The following SH3PXD2B variants were observed in gnomAD, a reference collection of about 807,000 sequenced individuals.
SH3PXD2B encodes the protein SH3 and PX domains 2B, also known as SH3 and PX domain-containing protein 2B.
A neutral mutation model predicts 73.1 loss-of-function variants in SH3PXD2B; 37 were observed. The ratio of observed to expected loss-of-function variants is 0.51; its 90% confidence interval spans 0.39 to 0.67. The LOEUF (loss-of-function observed/expected upper bound fraction) is 0.67. Ranked by LOEUF, SH3PXD2B falls within the 30% of genes least tolerant of loss-of-function variation. The probability of loss-of-function intolerance (pLI) is 0.00; values close to 1 mark genes in which losing one functional copy is unlikely to be tolerated. For synonymous variants in SH3PXD2B, 457 were observed against 480.5 expected (o/e 0.95, Z 0.64); for missense variants, 1,053 against 1,197.8 (o/e 0.88, Z 1.78).
chr5:172,418,815 A>C (rs1325061286), intron 2 of SH3PXD2B, among the ~76,000 whole-genome samples: 1 of 152,222 alleles, frequency 6.6e-6, no homozygotes. Flanking sequence ...GCAACCCCCC[A>C]GTTATTACCG....
rs373919581 is a variant in SH3PXD2B, at chr5:172,334,930, C to T, written c.*3439G>A. The T allele has an allele frequency of 8.1e-6, 8 of 985,374 alleles. No homozygotes were observed. The African/African-American group carries it at 1.4e-4, about 17-fold the overall frequency. The allele number at this position is 985,374 out of a possible 1,614,324, so 61.0% of individuals were successfully genotyped here. A position where few individuals can be genotyped will look rare whatever the true frequency, so the allele number is the denominator to read the frequency against. On this transcript the variant is annotated 3_prime_UTR_variant, in exon 13 of 13. Transcript: ENST00000311601. ...CTTGGAAATTGATTCTATGGCGTGG[C>T]CTTGTGGCAGAGGTTTAAAATGACT...
chr5:172,385,671 G>A (rs1338193425), intron 4 of SH3PXD2B, among the ~76,000 whole-genome samples: 1 of 152,224 alleles, frequency 6.6e-6, no homozygotes, highest in Non-Finnish European at 1.5e-5. Flanking sequence ...CCCAGGATGG[G>A]CAGAGGCCCC....
chr5:172,356,616 G>C (rs1201964134), intron 8 of SH3PXD2B: 1 of 152,352 alleles, frequency 6.6e-6, no homozygotes, highest in Non-Finnish European at 1.5e-5. Context: ...GGTGGTCCCA[G>C]AGCAGGGAGG....
At chr5:172,397,989 C>A (rs1206403065) in intron 3 of SH3PXD2B, among the ~76,000 whole-genome samples, 1 of 152,218 alleles carries the variant, frequency 6.6e-6, no homozygotes. Context: ...GGAAATCTGA[C>A]ACACCTGTTT....
At chr5:172,438,388 G>A (rs146688447) in intron 1 of SH3PXD2B, among the ~76,000 whole-genome samples, 297 of 152,266 alleles carry the variant, frequency 2.0e-3, no homozygotes, top group African/African-American at 6.8e-3. Context: ...GGGCAGGGCC[G>A]GGTTTGTCTA....
rs151165065 is a variant in SH3PXD2B at position 172,373,749 on chromosome 5, C to T, written c.427+41G>A. The T allele has an allele frequency of 1.6e-3, 2,484 of 1,597,734 alleles. 32 individuals are homozygous for T. In the African/African-American group the frequency reaches 0.03, roughly 19 times the overall value. On this transcript the variant is annotated intron_variant, in intron 6 of 12. Coordinates refer to ENST00000311601, the MANE Select transcript of SH3PXD2B (RefSeq NM_001017995.3). ...CAGTTGGTGCTCGGCTGGAGTTTGCCGAAAACTGAACGAAGAGAAGAAAAT... is the reference window on the plus strand; with the variant it reads ...CAGTTGGTGCTCGGCTGGAGTTTGCTGAAAACTGAACGAAGAGAAGAAAAT...
intron 10 of SH3PXD2B, among the ~76,000 whole-genome samples, chr5:172,348,411 G>A (rs978107758): frequency 2.0e-5 from 3 of 151,950 alleles, no homozygotes; most frequent in Non-Finnish European, 4.4e-5. Context: ...TGGACTAGTA[G>A]TGAGCCGTTC....
At chr5:172,332,705 C>T (rs1407814414), downstream of SH3PXD2B, among the ~76,000 whole-genome samples, 3 of 152,032 alleles carry the variant, frequency 2.0e-5, no homozygotes, top group Admixed American at 6.6e-5. Context: ...TTCTTTTGTT[C>T]GGGGACTCTG....
intron 1 of SH3PXD2B, among the ~76,000 whole-genome samples, chr5:172,439,295 C>CAA (rs946794676): frequency 1.6e-5 from 2 of 126,290 alleles, no homozygotes; most frequent in African/African-American, 6.9e-5. Flanking sequence ...AAAAAAACCC[C>CAA]AAAAAAAAAC....
At chr5:172,451,677 C>T (rs920082149) in intron 1 of SH3PXD2B, among the ~76,000 whole-genome samples, 4 of 152,202 alleles carry the variant, frequency 2.6e-5, no homozygotes, top group Non-Finnish European at 5.9e-5. Context: ...TGCTGTCTCT[C>T]CAGGGTGGCT....
chr5:172,352,511 C>T (rs977733873), intron 9 of SH3PXD2B, among the ~76,000 whole-genome samples: 4 of 152,204 alleles, frequency 2.6e-5, no homozygotes, highest in Non-Finnish European at 5.9e-5. Flanking sequence ...CAGGCATGAG[C>T]CACCGTGCCA....
At chr5:172,452,955 C>G (rs934041113) in intron 1 of SH3PXD2B, among the ~76,000 whole-genome samples, 4 of 152,186 alleles carry the variant, frequency 2.6e-5, no homozygotes, top group Non-Finnish European at 5.9e-5. Flanking sequence ...CTTCCCACCG[C>G]CTGGCTAAGG....
chr5:172,338,420 G>C lies in SH3PXD2B; in HGVS notation c.2685C>G (p.Ala895=). The C allele has an allele frequency of 6.2e-7, 1 of 1,614,196 alleles. No individual in the cohort carries two copies. Among genetic ancestry groups the C allele is most frequent in the Non-Finnish European group, 8.5e-7 (1 of 1,180,038 alleles). ...AAGGAATCCACCCTTCCCAGGAAGG[G>C]GCTCCGCTCAGGACCTGGCAGAACC... ...GWWFCQVLSG[A]PSWEGWIPSN... is the part of the protein sequence containing the mutation. The change falls in exon 13 of 13, where the codon GCC becomes GCG. Residue 895 remains alanine, a synonymous_variant. Transcript: ENST00000311601. This position sits in a 1 kb window ranked among gnomAD's most constrained non-coding sequence, Gnocchi z 5.1.
chr5:172,359,365 C>T (rs941733280), intron 7 of SH3PXD2B, among the ~76,000 whole-genome samples: 5 of 118,598 alleles, frequency 4.2e-5, no homozygotes, highest in East Asian at 2.8e-4. Flanking sequence ...CCAGCCCGGG[C>T]GACAGAGTGA....
Position 172,350,562 on chromosome 5 carries a change from G to A in SH3PXD2B, c.813C>T (p.Pro271=), listed in dbSNP as rs1357763254. The change falls in exon 10 of 13, where the codon CCC becomes CCT. Residue 271 remains proline, a synonymous_variant. Transcript: ENST00000311601. ...CACTGTTCTTCTTTAGGTAGGAGGC[G>A]GGGGCCCAGCCTTCTTTGCCCTGGT... ...IRYQGKEGWA[P]ASYLKKNSGE... The A allele has an allele frequency of 3.7e-6, 6 of 1,611,778 alleles. No homozygotes were observed. Among genetic ancestry groups the A allele is most frequent in the South Asian group, 1.1e-5 (1 of 90,586 alleles).
Position 172,362,832 on chromosome 5 carries a change from C to T in SH3PXD2B, c.465G>A (p.Glu155=), listed in dbSNP as rs751432914. The T allele has an allele frequency of 3.1e-6, 5 of 1,614,180 alleles. No individual in the cohort carries two copies. The South Asian group carries it at 5.5e-5, about 18-fold the overall frequency. ...GGTAGTTGGCTACCACCACATACTG[C>T]TCCAGGACCATGGGGTCCACTGAGG... ...DQTSVDPMVL[E]QYVVVANYQK... Residue 155 remains glutamate, a synonymous_variant, in exon 7 of 13, where the codon GAG becomes GAA. Coordinates refer to ENST00000311601, the MANE Select transcript of SH3PXD2B (RefSeq NM_001017995.3).
chr5:172,343,278 C>T (rs919331781), intron 12 of SH3PXD2B, among the ~76,000 whole-genome samples: 4 of 152,164 alleles, frequency 2.6e-5, no homozygotes, highest in Admixed American at 2.0e-4. Context: ...ACTGGGCATA[C>T]GAGTCATCGT....
rs948270512 is a variant in SH3PXD2B at position 172,336,833 on chromosome 5, C to T, written c.*1536G>A. On this transcript the variant is annotated 3_prime_UTR_variant, in exon 13 of 13. Coordinates refer to ENST00000311601, the MANE Select transcript of SH3PXD2B (RefSeq NM_001017995.3). ...TTGCTTCTGCAGTGATTTAGTCATG[C>T]CTCTCCAGACCTCAGTTTGACAGAT... The T allele has an allele frequency of 1.6e-5, 16 of 985,360 alleles. No homozygotes were observed. Among genetic ancestry groups the T allele is most frequent in the African/African-American group, 1.7e-5 (1 of 57,244 alleles). 61.0% of individuals were successfully genotyped at this position (985,360 alleles called of 1,614,324 possible).
At chr5:172,347,024 C>T (rs1757012045) in intron 11 of SH3PXD2B, among the ~76,000 whole-genome samples, 1 of 152,110 alleles carries the variant, frequency 6.6e-6, no homozygotes, top group African/African-American at 2.4e-5. Flanking sequence ...AGAGAAGGGC[C>T]CAGGGAGCAG....
Sources: gnomAD v4.1 joint callset for allele counts (sites outside exome capture counted in the v4.1 genomes callset) on GRCh38, gnomAD v4.1.1 for gene constraint, Gnocchi (gnomAD v3.1) non-coding constraint, MANE v1.5 for transcripts, NCBI Gene and HGNC (gene_info 2026-07-23, HGNC 2026-07-21) for gene names.